EEF1G: variants seen among roughly 807,000 people sequenced by gnomAD.
The protein encoded by EEF1G is eukaryotic translation elongation factor 1 gamma, also known as elongation factor 1-gamma.
In EEF1G, 14 loss-of-function variants were observed where a neutral mutation model predicts 58.3. The ratio of observed to expected loss-of-function variants is 0.24; its 90% CI spans 0.16 to 0.38. The LOEUF (loss-of-function observed/expected upper bound fraction) is 0.38. Ranked by LOEUF, EEF1G falls within the 10% of genes least tolerant of loss-of-function variation. The pLI is 1.00. For missense variants in EEF1G, 322 were observed against 550.1 expected, an observed-to-expected ratio of 0.59 and a Z score of 4.15; for synonymous variants, 180 against 206.8, an observed-to-expected ratio of 0.87 and a Z score of 1.11.
At chr11:62,573,066 A>C in intron 1 of EEF1G, 1 of 192,988 alleles carries the variant, frequency 5.2e-6, no homozygotes, top group Non-Finnish European at 1.1e-5. Flanking sequence ...TCTGCCTACA[A>C]ACATACTCTC....
chr11:62,572,440 T>C, intron 2 of EEF1G, 144 bp downstream of exon 2: 2 of 1,122,350 alleles, frequency 1.8e-6, no homozygotes, highest in Non-Finnish European at 2.5e-6. Context: ...TGTAAATCTG[T>C]ATTTATCTCA....
chr11:62,567,376 C>T, intron 6 of EEF1G, 23 bp downstream of exon 6: 1 of 1,595,810 alleles, frequency 6.3e-7, no homozygotes, highest in Non-Finnish European at 8.5e-7. Context: ...TGGCCATATG[C>T]CTCCCAGTCT....
Position 62,559,597 on chromosome 11 carries a change from A to C in EEF1G, c.*82T>G. 6.5e-7 allele frequency: 1 copy of C among 1,529,330 alleles called. No individual in the cohort carries two copies. The highest frequency in any genetic ancestry group is 1.2e-5 in the South Asian group (1 of 84,610). The allele number at this position is 1,529,330 out of a possible 1,614,324, so 94.7% of individuals were successfully genotyped here. On this transcript the variant is annotated 3_prime_UTR_variant, in exon 10 of 10. Transcript: ENST00000329251. The stretch of plus-strand genomic sequence containing the variant: ...ACTCACAAAGGAGGCAGGACAGGAA[A>C]GGGTTCAATGTTCAGTTTCCTTTAA...
rs933157246 is a variant in EEF1G at position 62,561,868 on chromosome 11, T to C, written c.858-1414A>G. On this transcript the variant is annotated intron_variant, in intron 7 of 9. Coordinates refer to ENST00000329251, the MANE Select transcript of EEF1G (RefSeq NM_001404.5). ...GCTGGGAAAGCCGGACAAACTCCAA[T>C]TGACCCTTTAATTTACAAGACACTA... Among the ~76,000 whole-genome samples, 11 of 152,274 alleles carry C rather than the reference T, an allele frequency of 7.2e-5. No individual in the cohort carries two copies. In the South Asian group the frequency reaches 1.5e-3, roughly 20 times the overall value.
chr11:62,571,993 T>G (rs1417685289), intron 2 of EEF1G, 92 bp from the exon 3 acceptor site: 1 of 1,073,052 alleles, frequency 9.3e-7, no homozygotes, highest in African/African-American at 1.6e-5. Context: ...AATACTTATA[T>G]AAGGCTGATG....
intron 7 of EEF1G, among the ~76,000 whole-genome samples, chr11:62,564,590 G>A (rs971144247): frequency 1.3e-5 from 2 of 151,348 alleles, no homozygotes; most frequent in Admixed American, 6.6e-5. Flanking sequence ...GTGAAACCCT[G>A]TCTCTGCTAA....
intron 5 of EEF1G, among the ~76,000 whole-genome samples, chr11:62,568,435 T>C (rs1941583747): frequency 6.7e-6 from 1 of 149,616 alleles, no homozygotes; most frequent in Admixed American, 6.6e-5. Flanking sequence ...GGGGTCTCAC[T>C]ATGTTGCCCA....
chr11:62,564,991 TG>T (rs1941540581), intron 7 of EEF1G, among the ~76,000 whole-genome samples: 1 of 151,678 alleles, frequency 6.6e-6, no homozygotes, highest in South Asian at 2.1e-4. Context: ...GAGAATCGCT[TG>T]AACTGGGGAG....
Position 62,571,821 on chromosome 11 carries a change from A to T in EEF1G, c.235+17T>A, listed in dbSNP as rs1380214659. 1 of 1,583,220 alleles carries T rather than the reference A, an allele frequency of 6.3e-7. No homozygotes were observed. Among genetic ancestry groups the T allele is most frequent in the African/African-American group, 1.3e-5 (1 of 74,330 alleles). ...CACCTCCAAATTCTCCCATTCCCAT[A>T]TACCCCTGCAAATTACCATAGTAGG... is the stretch of plus-strand genomic sequence containing the variant. On this transcript the variant is annotated intron_variant, in intron 3 of 9. Coordinates refer to ENST00000329251, the MANE Select transcript of EEF1G (RefSeq NM_001404.5).
rs1941631347 is a variant in EEF1G, at chr11:62,571,546, G to C, written c.372C>G (p.Asn124Lys). ...TCAAAGTTCCAAGGCTCACCTGTTTGTTGTGGTGCATGATGCCCAAGGTGG... is the reference window on the plus strand; with the variant it reads ...TCAAAGTTCCAAGGCTCACCTGTTTCTTGTGGTGCATGATGCCCAAGGTGG... ...VFPTLGIMHH[N>K]KQATENAKEE... is the part of the protein sequence containing the mutation. The change falls in exon 4 of 10, where the codon AAC (asparagine) becomes AAG (lysine). Residue 124 changes from asparagine (N) to lysine (K), a missense_variant. Physicochemically the swap from Asn to Lys is moderately conservative, Grantham distance 94. Coordinates refer to ENST00000329251, the MANE Select transcript of EEF1G (RefSeq NM_001404.5). The C allele has an allele frequency of 6.3e-7, 1 of 1,596,392 alleles. No individual in the cohort carries two copies. The highest frequency in any genetic ancestry group is 8.5e-7 in the Non-Finnish European group (1 of 1,171,144).
intron 4 of EEF1G, 98 bp downstream of exon 4, chr11:62,571,442 T>G: frequency 1.4e-6 from 2 of 1,466,082 alleles, no homozygotes; most frequent in Non-Finnish European, 1.8e-6. Context: ...CTACATATCC[T>G]TGGCATCTTT....
Position 62,573,853 on chromosome 11 carries a change from CAAAG to C in EEF1G, c.-15_-12del. On this transcript the variant is annotated 5_prime_UTR_variant, in exon 1 of 10. Coordinates refer to ENST00000329251, the MANE Select transcript of EEF1G (RefSeq NM_001404.5). ...TACCCCAGCCGCCATGGTGATTCCG[CAAAG>C]AAAGGGGGTGGGGTTCTCGGCGCTG... 6.2e-7 allele frequency: 1 copy of C among 1,613,696 alleles called. No homozygotes were observed. Among genetic ancestry groups the C allele is most frequent in the African/African-American group, 1.3e-5 (1 of 75,020 alleles).
chr11:62,573,764 T>G lies in EEF1G; in HGVS notation c.12+67A>C, dbSNP rs1313645400. ...ACCTCAGAACTCCTCTGGCGCCGACTGGCCCCACTCGGGCAAAGGATGGCG... is the reference window on the plus strand; with the variant it reads ...ACCTCAGAACTCCTCTGGCGCCGACGGGCCCCACTCGGGCAAAGGATGGCG... On this transcript the variant is annotated intron_variant, in intron 1 of 9. Transcript: ENST00000329251. The G allele has an allele frequency of 6.8e-6, 11 of 1,608,168 alleles. No homozygotes were observed. In the Admixed American group the frequency reaches 1.0e-4, roughly 15 times the overall value.
At chr11:62,563,228 G>A (rs1206883213) in intron 7 of EEF1G, among the ~76,000 whole-genome samples, 3 of 151,942 alleles carry the variant, frequency 2.0e-5, no homozygotes, top group Non-Finnish European at 2.9e-5. Flanking sequence ...CTGGGTTCAC[G>A]CCATTCTCCT....
At position 62,566,883 on chromosome 11, in the gene EEF1G, C is replaced by G; in HGVS notation, c.780G>C (p.Glu260Asp). ...CCTGCTCACATTCATCCATCTCCTCCTCAGGAGCAGGGGCAGCCGCCTTTT... is the reference window on the plus strand; with the variant it reads ...CCTGCTCACATTCATCCATCTCCTCGTCAGGAGCAGGGGCAGCCGCCTTTT... The part of the protein sequence containing the change: ...EEKKAAAPAP[E>D]EEMDECEQAL... The change falls in exon 7 of 10, where the codon GAG becomes GAC. Residue 260 changes from glutamate (E) to aspartate (D), a missense_variant. This residue lies in a region of EEF1G where 208 missense variants were observed against 323.7 expected (regional missense o/e 0.64). Transcript: ENST00000329251. The G allele has an allele frequency of 6.2e-7, 1 of 1,613,614 alleles. No homozygotes were observed. The highest frequency in any genetic ancestry group is 8.5e-7 in the Non-Finnish European group (1 of 1,179,802).
At chr11:62,571,780 T>A in intron 3 of EEF1G, 58 bp downstream of exon 3, 2 of 1,565,304 alleles carry the variant, frequency 1.3e-6, no homozygotes, top group Non-Finnish European at 1.7e-6. Flanking sequence ...CTCACACTTA[T>A]CCTCTCCTAC....
At chr11:62,566,755 T>C in intron 7 of EEF1G, 51 bp downstream of exon 7, 1 of 1,562,720 alleles carries the variant, frequency 6.4e-7, no homozygotes, top group Non-Finnish European at 8.8e-7. Flanking sequence ...CATACAGAGG[T>C]GAGAACAGGC....
chr11:62,571,803 A>T lies in EEF1G; in HGVS notation c.235+35T>A, dbSNP rs145587737. The T allele has an allele frequency of 4.1e-3, 6,495 of 1,574,574 alleles. 16 individuals are homozygous for T. The highest frequency in any genetic ancestry group is 4.7e-3 in the Non-Finnish European group (5,459 of 1,159,880). ...TATCCTCTCCTACACCCTCACCTCCAAATTCTCCCATTCCCATATACCCCT... is the reference window on the plus strand; with the variant it reads ...TATCCTCTCCTACACCCTCACCTCCTAATTCTCCCATTCCCATATACCCCT... On this transcript the variant is annotated intron_variant, in intron 3 of 9. Coordinates refer to ENST00000329251, the MANE Select transcript of EEF1G (RefSeq NM_001404.5).
chr11:62,568,160 G>A (rs1448421727), intron 5 of EEF1G, among the ~76,000 whole-genome samples: 1 of 151,244 alleles, frequency 6.6e-6, no homozygotes. Flanking sequence ...CCCGGGAGGC[G>A]GAGCTTGCAG....
Sources: allele counts gnomAD v4.1 joint callset (sites outside exome capture counted in the v4.1 genomes callset), GRCh38; gene constraint gnomAD v4.1.1; regional missense constraint gnomAD v4.1.1; transcripts MANE v1.5; gene names NCBI Gene and HGNC (gene_info 2026-07-23, HGNC 2026-07-21).